The following ADAMTS2 variants were observed in gnomAD, a reference collection of about 807,000 sequenced individuals.
The protein encoded by ADAMTS2 is ADAM metallopeptidase with thrombospondin type 1 motif 2.
In ADAMTS2, 50 loss-of-function variants were observed where a neutral mutation model predicts 123.0. That is an observed-to-expected ratio of 0.41 (90% CI 0.32 to 0.51). The LOEUF is 0.51. Ranked by LOEUF, ADAMTS2 falls within the 20% of genes least tolerant of loss-of-function variation. The pLI is 0.35. For missense variants in ADAMTS2, 1,494 were observed against 1,705.2 expected (o/e 0.88, Z 2.18); for synonymous variants, 678 against 695.4 (o/e 0.98, Z 0.39).
intron 2 of ADAMTS2, among the ~76,000 whole-genome samples, chr5:179,284,013 CAG>C (rs1256546183): frequency 1.3e-5 from 2 of 149,880 alleles, no homozygotes; most frequent in Non-Finnish European, 3.0e-5. Context: ...GCCTGGGAGA[CAG>C]AGAGATACCC....
intron 2 of ADAMTS2, among the ~76,000 whole-genome samples, chr5:179,283,549 C>CAAAAAAAAAAAAAAAAAAAAAAACAA (rs3986816): frequency 1.9e-5 from 1 of 51,344 alleles, no homozygotes; most frequent in African/African-American, 9.5e-5. Flanking sequence ...AGAAAAACAG[C>CAAAAAAAAAAAAAAAAAAAAAAACAA]AAAAAAAAAA....
chr5:179,341,404 A>C (rs1757769111), intron 2 of ADAMTS2: 1 of 355,458 alleles, frequency 2.8e-6, no homozygotes, highest in East Asian at 9.9e-5. Flanking sequence ...AAAGAGGACA[A>C]GCGAAAAGAA....
At chr5:179,313,218 A>ACAGT (rs1166634237) in intron 2 of ADAMTS2, among the ~76,000 whole-genome samples, 1 of 128,882 alleles carries the variant, frequency 7.8e-6, no homozygotes, top group Admixed American at 7.7e-5. Flanking sequence ...ATGCACACAC[A>ACAGT]CACACCGAGA....
intron 3 of ADAMTS2, among the ~76,000 whole-genome samples, chr5:179,235,767 G>T (rs1331528371): frequency 6.6e-6 from 1 of 152,172 alleles, no homozygotes; most frequent in Non-Finnish European, 1.5e-5. Context: ...TCTGTTGCTG[G>T]GCCCCCATGA....
chr5:179,231,217 A>C (rs1291924919), intron 3 of ADAMTS2, among the ~76,000 whole-genome samples: 1 of 152,190 alleles, frequency 6.6e-6, no homozygotes, highest in African/African-American at 2.4e-5. Flanking sequence ...AGATGACACC[A>C]TAGAGGCTGC....
intron 3 of ADAMTS2, among the ~76,000 whole-genome samples, chr5:179,224,124 G>A (rs1039694069): frequency 6.6e-6 from 1 of 152,176 alleles, no homozygotes; most frequent in South Asian, 2.1e-4. Context: ...AGTCTACATC[G>A]GTTTCCTTCC....
Position 179,189,943 on chromosome 5 carries a change from C to T in ADAMTS2, c.892-8788G>A, listed in dbSNP as rs1056249310. On this transcript the variant is annotated intron_variant, in intron 4 of 21. Coordinates refer to ENST00000251582, the MANE Select transcript of ADAMTS2 (RefSeq NM_014244.5). This position sits in a 1 kb window ranked among gnomAD's most constrained non-coding sequence, Gnocchi z 4.2. The stretch of plus-strand genomic sequence containing the variant: ...ATCACAAAGTACATTACCCCAAGGG[C>T]GGAGAGGGTGTATTGTTCACAAATT... Among the ~76,000 whole-genome samples, 5 of 151,930 alleles carry T rather than the reference C, an allele frequency of 3.3e-5. No homozygotes were observed. The highest frequency in any genetic ancestry group is 1.9e-4 in the East Asian group (1 of 5,186).
chr5:179,124,271 G>A (rs1338764338), intron 19 of ADAMTS2, among the ~76,000 whole-genome samples: 1 of 152,120 alleles, frequency 6.6e-6, no homozygotes, highest in Non-Finnish European at 1.5e-5. Context: ...GCATGTGACC[G>A]GGCTGTCAGA....
At position 179,155,285 on chromosome 5, in the gene ADAMTS2, A is replaced by G. The variant is rs574807894; in HGVS notation, c.1133-366T>C. 1.3e-5 allele frequency among the ~76,000 whole-genome samples: 2 copies of G among 152,122 alleles called. No homozygotes were observed. Among genetic ancestry groups the G allele is most frequent in the South Asian group, 2.1e-4 (1 of 4,818 alleles). ...CCTGCCTCTGCCCCCTGCCTGCCTC[A>G]CTGAGTGGCCCCTGAGCAGCACCTG... is the stretch of plus-strand genomic sequence containing the variant. On this transcript the variant is annotated intron_variant, in intron 6 of 21. Coordinates refer to ENST00000251582, the MANE Select transcript of ADAMTS2 (RefSeq NM_014244.5). The surrounding 1 kb of genome is among the most constrained non-coding windows in gnomAD (Gnocchi z 5.1).
chr5:179,235,281 G>A (rs183956265), intron 3 of ADAMTS2, among the ~76,000 whole-genome samples: 1 of 152,220 alleles, frequency 6.6e-6, no homozygotes, highest in African/African-American at 2.4e-5. Context: ...TGCCTTGGCT[G>A]AGAGGAGGCT....
chr5:179,252,921 G>A (rs537365951), intron 3 of ADAMTS2, among the ~76,000 whole-genome samples: 37 of 152,292 alleles, frequency 2.4e-4, no homozygotes, highest in Non-Finnish European at 4.6e-4. Flanking sequence ...AATATGTTGA[G>A]GTTATTTTAT....
At chr5:179,299,648 C>T (rs1490960707) in intron 2 of ADAMTS2, among the ~76,000 whole-genome samples, 1 of 151,666 alleles carries the variant, frequency 6.6e-6, no homozygotes, top group African/African-American at 2.4e-5. Flanking sequence ...TGCATTCCTT[C>T]TGGAAGCTCT....
chr5:179,193,266 G>C lies in ADAMTS2; in HGVS notation c.892-12111C>G, dbSNP rs748799421. On this transcript the variant is annotated intron_variant, in intron 4 of 21. Coordinates refer to ENST00000251582, the MANE Select transcript of ADAMTS2 (RefSeq NM_014244.5). The stretch of plus-strand genomic sequence containing the variant: ...GGGCTCTTCCCAGACATCATGGGCC[G>C]AGTGAACAACTGCTCGCCTCGCTGG... Among the ~76,000 whole-genome samples the C allele has an allele frequency of 7.2e-5, 11 of 152,326 alleles. No individual in the cohort carries two copies. In the South Asian group the frequency reaches 2.3e-3, roughly 32 times the overall value.
rs1018893795 is a variant in ADAMTS2, at chr5:179,307,443, G to A, written c.535-34379C>T. ...AGCCCGGTCCGGGGGGCACCACCAC[G>A]CAGGGGCTTCCCGGGTCATGCTGCA... On this transcript the variant is annotated intron_variant, in intron 2 of 21. Coordinates refer to ENST00000251582, the MANE Select transcript of ADAMTS2 (RefSeq NM_014244.5). The surrounding 1 kb of genome is among the most constrained non-coding windows in gnomAD (Gnocchi z 5.6). Among the ~76,000 whole-genome samples, 8 of 152,094 alleles carry A rather than the reference G, an allele frequency of 5.3e-5. No homozygotes were observed. Among genetic ancestry groups the A allele is most frequent in the Middle Eastern group, 3.2e-3 (1 of 316 alleles).
intron 2 of ADAMTS2, among the ~76,000 whole-genome samples, chr5:179,301,148 C>T (rs1392056294): frequency 1.0e-4 from 15 of 149,288 alleles, no homozygotes; most frequent in Non-Finnish European, 1.5e-4. Context: ...GCTCCTGTCC[C>T]CCAGGAAAAA....
chr5:179,153,731 A>AC (rs1763412788), intron 8 of ADAMTS2, 108 bp from the exon 9 acceptor site: 1 of 1,445,026 alleles, frequency 6.9e-7, no homozygotes, highest in South Asian at 1.3e-5. Flanking sequence ...CCCTACCTGC[A>AC]CATCCCGGCC....
At chr5:179,227,718 C>G (rs1218141366) in intron 3 of ADAMTS2, among the ~76,000 whole-genome samples, 1 of 152,102 alleles carries the variant, frequency 6.6e-6, no homozygotes, top group African/African-American at 2.4e-5. Flanking sequence ...CCACGGCCCA[C>G]AGGACCAGCA....
chr5:179,302,473 C>CCTCCTCCT (rs1756557537), intron 2 of ADAMTS2, among the ~76,000 whole-genome samples: 1 of 151,344 alleles, frequency 6.6e-6, no homozygotes, highest in Admixed American at 6.6e-5. Context: ...GGCAGAGCTG[C>CCTCCTCCT]CTCCTCCTGG....
intron 4 of ADAMTS2, among the ~76,000 whole-genome samples, chr5:179,205,567 G>A (rs542302859): frequency 6.6e-6 from 1 of 152,144 alleles, no homozygotes; most frequent in African/African-American, 2.4e-5. Flanking sequence ...TCCTTTCCCC[G>A]CTGGGTTGGA....
Sources: gnomAD v4.1 joint callset for allele counts (sites outside exome capture counted in the v4.1 genomes callset) on GRCh38, gnomAD v4.1.1 for gene constraint, Gnocchi (gnomAD v3.1) non-coding constraint, MANE v1.5 for transcripts, NCBI Gene and HGNC (gene_info 2026-07-23, HGNC 2026-07-21) for gene names.